The following NCAM1 variants were observed in gnomAD, a reference collection of about 807,000 sequenced individuals.
NCAM1 encodes neural cell adhesion molecule 1.
A neutral mutation model predicts 109.8 loss-of-function variants in NCAM1; 14 were observed. That is an observed-to-expected ratio of 0.13 (90% CI 0.08 to 0.20). The LOEUF is 0.20. Among genes scored for constraint, NCAM1 ranks in the 10% least tolerant of loss-of-function variants. NCAM1 has a pLI of 1.00. For synonymous variants in NCAM1, 418 were observed against 442.9 expected, an observed-to-expected ratio of 0.94 and a Z score of 0.70; for missense variants, 774 against 1,109.9, an observed-to-expected ratio of 0.70 and a Z score of 4.30.
intron 1 of NCAM1, among the ~76,000 whole-genome samples, chr11:113,027,591 G>A (rs1216644537): frequency 6.6e-6 from 1 of 151,976 alleles, no homozygotes; most frequent in Non-Finnish European, 1.5e-5. Flanking sequence ...ATAAGTCATT[G>A]GCATGAAAGT....
intron 14 of NCAM1, chr11:113,236,355 G>A (rs111567425): frequency 0.021 from 33,882 of 1,600,202 alleles, 501 homozygotes; most frequent in Non-Finnish European, 0.027. Flanking sequence ...TTTCCATAGC[G>A]TTAACATCTG....
At chr11:113,080,810 G>T (rs1295559927) in intron 1 of NCAM1, among the ~76,000 whole-genome samples, 1 of 152,214 alleles carries the variant, frequency 6.6e-6, no homozygotes, top group Admixed American at 6.5e-5. Context: ...CCAAGTCATT[G>T]TATATGTAGT....
chr11:113,050,923 C>G (rs1296137571), intron 1 of NCAM1, among the ~76,000 whole-genome samples: 2 of 152,018 alleles, frequency 1.3e-5, no homozygotes, highest in African/African-American at 4.8e-5. Context: ...TATTACTAAC[C>G]CATCTTATAC....
rs781818836 is a variant in NCAM1 at position 113,009,312 on chromosome 11, G to GTTTTTTT, written c.52+47671_52+47677dup. Among the ~76,000 whole-genome samples the GTTTTTTT allele has an allele frequency of 3.3e-4, 26 of 79,674 alleles. 1 individual carries two copies. The highest frequency in any genetic ancestry group is 8.7e-4 in the African/African-American group (18 of 20,652). The allele number at this position is 79,674 out of a possible 152,430, so 52.3% of individuals were successfully genotyped here. A position where few individuals can be genotyped will look rare whatever the true frequency, so the allele number is the denominator to read the frequency against. On this transcript the variant is annotated intron_variant, in intron 1 of 19. Transcript: ENST00000316851. ...GATTTAATTGGAAGGGTTTTTTCGG[G>GTTTTTTT]TTTTTTTTTTTTTTTTTTTTTTTTT...
chr11:113,026,917 A>G lies in NCAM1; in HGVS notation c.52+65253A>G, dbSNP rs536477933. Among the ~76,000 whole-genome samples, 66 of 152,320 alleles carry G rather than the reference A, an allele frequency of 4.3e-4. No individual in the cohort carries two copies. In the South Asian group the frequency reaches 0.013, roughly 31 times the overall value. On this transcript the variant is annotated intron_variant, in intron 1 of 19. Transcript: ENST00000316851. ...ATGTGGCAGACCTGGACTCAGACCC[A>G]GTTCCCTCTCTTCCAGGGTCTTCCC...
chr11:113,131,194 A>C (rs1307721448), intron 1 of NCAM1, among the ~76,000 whole-genome samples: 3 of 152,144 alleles, frequency 2.0e-5, no homozygotes, highest in African/African-American at 7.2e-5. Context: ...TCTAAATTTA[A>C]TTGAAGTCTA....
chr11:112,975,959 C>G (rs1266897047), intron 1 of NCAM1, among the ~76,000 whole-genome samples: 1 of 151,802 alleles, frequency 6.6e-6, no homozygotes, highest in Non-Finnish European at 1.5e-5. Flanking sequence ...AAATAGGAAA[C>G]CAGAAAAATC....
At chr11:113,103,159 C>T (rs1342585506) in intron 1 of NCAM1, among the ~76,000 whole-genome samples, 1 of 152,114 alleles carries the variant, frequency 6.6e-6, no homozygotes, top group Non-Finnish European at 1.5e-5. Flanking sequence ...AGCTTGCTGG[C>T]CTCTGGTTTC....
rs185439914 is a variant in NCAM1 at position 113,077,977 on chromosome 11, G to A, written c.52+116313G>A. ...GCTGGAATTACAGGCGTGAGCCACCGCACCTGGCTTGAATGGGTAAACATA... is the reference window on the plus strand; with the variant it reads ...GCTGGAATTACAGGCGTGAGCCACCACACCTGGCTTGAATGGGTAAACATA... On this transcript the variant is annotated intron_variant, in intron 1 of 19. Coordinates refer to ENST00000316851, the MANE Select transcript of NCAM1 (RefSeq NM_181351.5). Among the ~76,000 whole-genome samples, 91 of 152,222 alleles carry A rather than the reference G, an allele frequency of 6.0e-4. 1 individual carries two copies. In the Middle Eastern group the frequency reaches 0.017, roughly 28 times the overall value.
At chr11:113,243,644 C>T (rs782476226) in intron 14 of NCAM1, 1 of 517,132 alleles carries the variant, frequency 1.9e-6, no homozygotes. Context: ...ACCTGAATCT[C>T]CTGAAGAATC....
At chr11:113,246,721 T>C (rs1480953574) in intron 15 of NCAM1, among the ~76,000 whole-genome samples, 1 of 152,272 alleles carries the variant, frequency 6.6e-6, no homozygotes, top group African/African-American at 2.4e-5. Context: ...GATAGCATTG[T>C]TATTTAACTT....
chr11:113,109,755 A>G (rs1313370777), intron 1 of NCAM1, among the ~76,000 whole-genome samples: 1 of 152,186 alleles, frequency 6.6e-6, no homozygotes, highest in East Asian at 1.9e-4. Context: ...TTTGTGCTGC[A>G]TCTTGAATGG....
chr11:113,202,417 A>T lies in NCAM1; in HGVS notation c.91A>T (p.Ile31Phe), dbSNP rs1555112028. The change falls in exon 2 of 20, where the codon ATC (isoleucine) becomes TTC (phenylalanine). Residue 31 changes from isoleucine (I) to phenylalanine (F), a missense_variant. Physicochemically the swap from Ile to Phe is conservative, Grantham distance 21. This residue lies in a region of NCAM1 where 112 missense variants were observed against 142.0 expected (regional missense o/e 0.79). Coordinates refer to ENST00000316851, the MANE Select transcript of NCAM1 (RefSeq NM_181351.5). ...QVDIVPSQGEISVGESKFFLC... is the reference protein window; with the variant it reads ...QVDIVPSQGEFSVGESKFFLC... ...GGATATTGTTCCCAGCCAGGGGGAG[A>T]TCAGCGTTGGAGAGTCCAAATTCTT... 1.2e-6 allele frequency: 2 copies of T among 1,612,666 alleles called. No individual in the cohort carries two copies. The highest frequency in any genetic ancestry group is 2.2e-5 in the South Asian group (2 of 90,844).
intron 1 of NCAM1, among the ~76,000 whole-genome samples, chr11:113,011,666 G>T (rs1411386484): frequency 1.3e-5 from 2 of 152,314 alleles, no homozygotes; most frequent in East Asian, 3.9e-4. Context: ...TAGAAAAATA[G>T]AGAGATGGTA....
chr11:112,987,151 C>T (rs1247651721), intron 1 of NCAM1, among the ~76,000 whole-genome samples: 1 of 152,064 alleles, frequency 6.6e-6, no homozygotes, highest in Admixed American at 6.6e-5. Context: ...TCCTTTGACC[C>T]ACTGGTTGTT....
intron 1 of NCAM1, among the ~76,000 whole-genome samples, chr11:113,125,258 A>C (rs895151399): frequency 6.6e-6 from 1 of 152,310 alleles, no homozygotes; most frequent in African/African-American, 2.4e-5. Flanking sequence ...GATTCCAGGC[A>C]AGGCGGTTTC....
chr11:113,202,124 G>T (rs970021259), intron 1 of NCAM1, among the ~76,000 whole-genome samples: 2 of 152,196 alleles, frequency 1.3e-5, no homozygotes, highest in Non-Finnish European at 1.5e-5. Context: ...CTCTCTGAGG[G>T]GAAATAGCTA....
chr11:112,992,028 T>G (rs1396982376), intron 1 of NCAM1, among the ~76,000 whole-genome samples: 2 of 152,172 alleles, frequency 1.3e-5, no homozygotes, highest in African/African-American at 2.4e-5. Context: ...ATTGTAATTA[T>G]GAATATCTCT....
intron 1 of NCAM1, among the ~76,000 whole-genome samples, chr11:113,174,330 G>A (rs1187867856): frequency 7.2e-5 from 11 of 152,204 alleles, no homozygotes; most frequent in African/African-American, 1.4e-4. Flanking sequence ...CCATTTCCCC[G>A]ACAAACACCA....
Sources: gnomAD v4.1 joint callset for allele counts (sites outside exome capture counted in the v4.1 genomes callset) on GRCh38, gnomAD v4.1.1 for gene constraint, gnomAD v4.1.1 regional missense constraint, MANE v1.5 for transcripts, NCBI Gene and HGNC (gene_info 2026-07-23, HGNC 2026-07-21) for gene names.